Variants in FBXO34 observed in about 807,000 individuals in gnomAD.
The protein encoded by FBXO34 is F-box protein 34, also known as F-box only protein 34.
Under a neutral mutation model 24.5 loss-of-function variants are expected in FBXO34, and 12 were observed. The observed-to-expected ratio is 0.49, with a 90% CI of 0.31 to 0.79. The LOEUF is 0.79. FBXO34 is among the 30% of genes least tolerant of loss of function. The pLI, the probability that FBXO34 is intolerant of heterozygous loss-of-function variation, is 0.04. For synonymous variants in FBXO34, 320 were observed against 311.9 expected (o/e 1.03, Z -0.27); for missense variants, 823 against 857.7 (o/e 0.96, Z 0.51).
chr14:55,393,685 CAGGT>C, the FBXO34 span, among the ~76,000 whole-genome samples: 2 of 151,862 alleles, frequency 1.3e-5, no homozygotes, highest in Non-Finnish European at 2.9e-5. Flanking sequence ...GCTGGGACTA[CAGGT>C]ATATACTACC....
chr14:55,437,151 A>G, the FBXO34 span: 1 of 746,646 alleles, frequency 1.3e-6, no homozygotes, highest in East Asian at 2.5e-5. Context: ...GCTTGTATTC[A>G]TGCACTGCTT....
chr14:55,409,812 A>C, the FBXO34 span, among the ~76,000 whole-genome samples: 9 of 152,262 alleles, frequency 5.9e-5, no homozygotes, highest in African/African-American at 2.2e-4. Context: ...AACCACTGGA[A>C]GATTTGAACA....
At chr14:55,277,102 A>G (rs1566536929) in intron 1 of FBXO34, among the ~76,000 whole-genome samples, 1 of 152,222 alleles carries the variant, frequency 6.6e-6, no homozygotes, top group Non-Finnish European at 1.5e-5. Flanking sequence ...CCCTGTCAAG[A>G]TATAGAACAT....
At chr14:55,375,325 T>C in the FBXO34 span, among the ~76,000 whole-genome samples, 7 of 152,028 alleles carry the variant, frequency 4.6e-5, no homozygotes, top group East Asian at 1.9e-4. Flanking sequence ...GTTTTTTGTA[T>C]GTTTATCTTT....
chr14:55,338,434 T>G (rs1463386806), intron 1 of FBXO34, among the ~76,000 whole-genome samples: 1 of 152,168 alleles, frequency 6.6e-6, no homozygotes, highest in Non-Finnish European at 1.5e-5. Context: ...CATCTACAGT[T>G]GTAGATAAGA....
chr14:55,374,631 T>C (rs1214625157), downstream of FBXO34, among the ~76,000 whole-genome samples: 2 of 152,216 alleles, frequency 1.3e-5, no homozygotes, highest in African/African-American at 2.4e-5. Flanking sequence ...TAAAACACTG[T>C]CCTTTTGCTT....
intron 1 of FBXO34, among the ~76,000 whole-genome samples, chr14:55,293,785 G>C (rs1233538435): frequency 1.3e-5 from 2 of 151,736 alleles, no homozygotes; most frequent in Admixed American, 1.3e-4. Context: ...TAGCACATGG[G>C]TATTGTTCAG....
chr14:55,369,845 T>A (rs746710588), downstream of FBXO34: 1 of 1,614,124 alleles, frequency 6.2e-7, no homozygotes, highest in East Asian at 2.2e-5. Flanking sequence ...ATCTCCGCTC[T>A]CATCTGATTC....
the FBXO34 span, among the ~76,000 whole-genome samples, chr14:55,399,348 G>A: frequency 9.2e-5 from 14 of 152,116 alleles, no homozygotes; most frequent in African/African-American, 2.4e-4. Context: ...ATGACTTACC[G>A]GATGGTGTAC....
intron 1 of FBXO34, among the ~76,000 whole-genome samples, chr14:55,287,330 T>C (rs1881796400): frequency 6.6e-6 from 1 of 152,234 alleles, no homozygotes; most frequent in Non-Finnish European, 1.5e-5. Flanking sequence ...TAGTCACTCA[T>C]GTGCACAGTC....
At chr14:55,288,288 A>T (rs912133435) in intron 1 of FBXO34, among the ~76,000 whole-genome samples, 14 of 152,172 alleles carry the variant, frequency 9.2e-5, no homozygotes, top group Non-Finnish European at 1.3e-4. Context: ...AAGTAAAGAA[A>T]TTTTTTTAAT....
chr14:55,378,912 T>A, the FBXO34 span, among the ~76,000 whole-genome samples: 1 of 152,162 alleles, frequency 6.6e-6, no homozygotes, highest in East Asian at 1.9e-4. Context: ...CTCACTATGT[T>A]TCCCAGGCTG....
chr14:55,385,867 C>T, the FBXO34 span: 137 of 1,610,146 alleles, frequency 8.5e-5, no homozygotes, highest in Non-Finnish European at 8.3e-5. Context: ...ACCTCACACC[C>T]GTCTTTACTT....
chr14:55,442,862 A>G, the FBXO34 span, among the ~76,000 whole-genome samples: 1 of 152,178 alleles, frequency 6.6e-6, no homozygotes, highest in African/African-American at 2.4e-5. Context: ...TCACAAGAAG[A>G]TGAAATCTGG....
chr14:55,301,427 ACT>A (rs1882351459), intron 1 of FBXO34, among the ~76,000 whole-genome samples: 2 of 147,560 alleles, frequency 1.4e-5, no homozygotes, highest in South Asian at 4.3e-4. Context: ...ACAAAGTGAG[ACT>A]CTGTCTCAAA....
downstream of FBXO34, among the ~76,000 whole-genome samples, chr14:55,363,978 C>T (rs1038509982): frequency 3.3e-5 from 5 of 150,796 alleles, no homozygotes; most frequent in South Asian, 2.1e-4. Context: ...GAGTTTCGCT[C>T]TTGTTGCCCA....
chr14:55,424,654 C>T, the FBXO34 span, among the ~76,000 whole-genome samples: 108,692 of 152,122 alleles, frequency 0.71, 39,063 homozygotes, highest in African/African-American at 0.78. Context: ...TATGCTTTTA[C>T]GAACTGCTGA....
At chr14:55,298,697 G>C (rs1205127057) in intron 1 of FBXO34, 6 of 1,565,106 alleles carry the variant, frequency 3.8e-6, no homozygotes, top group Non-Finnish European at 4.4e-6. Context: ...CCCTCCAGGA[G>C]GCCATCCAGC....
chr14:55,428,953 T>C, the FBXO34 span: 1 of 1,614,190 alleles, frequency 6.2e-7, no homozygotes, highest in Admixed American at 1.7e-5. Context: ...ATTTTCTTGC[T>C]GCAAGTCGAG....
Sources: gnomAD v4.1 joint callset for allele counts (sites outside exome capture counted in the v4.1 genomes callset) on GRCh38, gnomAD v4.1.1 for gene constraint, MANE v1.5 for transcripts, NCBI Gene and HGNC (gene_info 2026-07-23, HGNC 2026-07-21) for gene names.